THRB: variants seen among roughly 807,000 people sequenced by gnomAD.
THRB encodes nuclear receptor subfamily 1 group A member 2.
In THRB, 12 loss-of-function variants were observed where a neutral mutation model predicts 47.8. The observed-to-expected ratio is 0.25, with a 90% CI of 0.16 to 0.41. The LOEUF (loss-of-function observed/expected upper bound fraction) is 0.41, where lower values mean the gene tolerates loss of function less well. Ranked by LOEUF, THRB falls within the 10% of genes least tolerant of loss-of-function variation. THRB has a pLI of 1.00. For missense variants in THRB, 348 were observed against 589.2 expected (o/e 0.59, Z 4.24); for synonymous variants, 218 against 212.2 (o/e 1.03, Z -0.24).
At chr3:24,225,800 G>A (rs73037700) in intron 4 of THRB, among the ~76,000 whole-genome samples, 2 of 152,126 alleles carry the variant, frequency 1.3e-5, no homozygotes, top group African/African-American at 4.8e-5. Context: ...ATAAAATATT[G>A]TATCAAGGTA....
intron 6 of THRB, among the ~76,000 whole-genome samples, chr3:24,151,992 A>G (rs914671970): frequency 1.3e-5 from 2 of 152,246 alleles, no homozygotes; most frequent in Non-Finnish European, 2.9e-5. Context: ...GTGGTAGAGT[A>G]AACTCTGTCT....
At chr3:24,177,801 A>AAGTT (rs2041360157) in intron 5 of THRB, among the ~76,000 whole-genome samples, 1 of 152,236 alleles carries the variant, frequency 6.6e-6, no homozygotes, top group South Asian at 2.1e-4. Flanking sequence ...ATGTTCTAGA[A>AAGTT]AGTTACACAA....
intron 4 of THRB, among the ~76,000 whole-genome samples, chr3:24,210,410 GT>G (rs1018857127): frequency 4.6e-4 from 65 of 141,446 alleles, no homozygotes; most frequent in Admixed American, 3.6e-4. Flanking sequence ...TTATTTGTTT[GT>G]TTTTTTTTTT....
intron 2 of THRB, among the ~76,000 whole-genome samples, chr3:24,305,475 A>C (rs1414414347): frequency 6.6e-6 from 1 of 152,226 alleles, no homozygotes; most frequent in Non-Finnish European, 1.5e-5. Context: ...GGGGGATTAC[A>C]ATTACAGTAT....
intron 1 of THRB, among the ~76,000 whole-genome samples, chr3:24,351,527 G>A (rs1485415940): frequency 6.6e-6 from 1 of 151,996 alleles, no homozygotes; most frequent in Non-Finnish European, 1.5e-5. Flanking sequence ...TGTTAATTTG[G>A]CCTAAACTCC....
intron 3 of THRB, among the ~76,000 whole-genome samples, chr3:24,296,013 T>C (rs1013142035): frequency 2.0e-5 from 3 of 152,236 alleles, no homozygotes; most frequent in Non-Finnish European, 2.9e-5. Context: ...ATAGGTGATC[T>C]AGGTCCTTCT....
At chr3:24,164,903 T>C in intron 5 of THRB, 1 of 598,572 alleles carries the variant, frequency 1.7e-6, no homozygotes, top group East Asian at 2.7e-5. Flanking sequence ...TACTGCCGTT[T>C]TTAATTTCAA....
chr3:24,262,418 C>A (rs73148323), intron 3 of THRB, among the ~76,000 whole-genome samples: 98 of 152,326 alleles, frequency 6.4e-4, no homozygotes, highest in African/African-American at 2.3e-3. Context: ...TTCATTTGAT[C>A]CCTGGGTGCC....
intron 5 of THRB, among the ~76,000 whole-genome samples, chr3:24,169,805 G>A (rs1364959876): frequency 1.3e-5 from 2 of 149,730 alleles, no homozygotes; most frequent in Non-Finnish European, 3.0e-5. Context: ...CCCACCACCT[G>A]TTTCGTAAAT....
chr3:24,151,867 A>C (rs62255836), intron 6 of THRB, among the ~76,000 whole-genome samples: 6,843 of 152,290 alleles, frequency 0.045, 384 homozygotes, highest in African/African-American at 0.13. Context: ...GCTGTGCGAA[A>C]AGCCAACTTG....
intron 1 of THRB, chr3:24,493,966 A>G (rs1240743261): frequency 6.6e-6 from 1 of 152,240 alleles, no homozygotes; most frequent in Non-Finnish European, 1.5e-5. Context: ...CACAATTGGT[A>G]TCACAACCAA....
At chr3:24,354,283 T>C (rs192979914) in intron 1 of THRB, among the ~76,000 whole-genome samples, 10 of 152,230 alleles carry the variant, frequency 6.6e-5, no homozygotes, top group Middle Eastern at 6.8e-3. Context: ...GTAGGCTTAA[T>C]ACCTGGGTGA....
rs2031038106 is a variant in THRB, at chr3:24,118,437, G to A, written c.*4447C>T. On this transcript the variant is annotated 3_prime_UTR_variant, in exon 11 of 11. Transcript: ENST00000646209. Reference sequence around the variant, plus strand: ...CCATCTAGCAATATCACTTAACACTGTTTGCAAAACACAAATCTTCCAATG... The same window carrying A: ...CCATCTAGCAATATCACTTAACACTATTTGCAAAACACAAATCTTCCAATG... 1 of 152,466 alleles carries A rather than the reference G, an allele frequency of 6.6e-6. No individual in the cohort carries two copies. Among genetic ancestry groups the A allele is most frequent in the African/African-American group, 2.4e-5 (1 of 41,384 alleles). 9.4% of individuals were successfully genotyped at this position (152,466 alleles called of 1,614,324 possible).
intron 1 of THRB, among the ~76,000 whole-genome samples, chr3:24,482,483 GATTCATTC>G (rs113661840): frequency 1.9e-4 from 29 of 150,564 alleles, no homozygotes; most frequent in African/African-American, 5.4e-4. Context: ...ACCACTTCCT[GATTCATTC>G]ATTCATTCAT....
intron 2 of THRB, among the ~76,000 whole-genome samples, chr3:24,313,643 TTAAG>T (rs2057911135): frequency 6.6e-6 from 1 of 152,214 alleles, no homozygotes; most frequent in Non-Finnish European, 1.5e-5. Context: ...TTCCCCATTA[TTAAG>T]TATTACCTTA....
rs1559862349 is a variant in THRB at position 24,297,216 on chromosome 3, G to C, written c.-43+10C>G. ...TTATCACCACACAGACTGAATCTTGGAATACATACCTTACTTCCAACAGTC... is the reference window on the plus strand; with the variant it reads ...TTATCACCACACAGACTGAATCTTGCAATACATACCTTACTTCCAACAGTC... On this transcript the variant is annotated intron_variant, in intron 3 of 10. Transcript: ENST00000646209. 1 of 152,170 alleles carries C rather than the reference G, an allele frequency of 6.6e-6. No homozygotes were observed. The highest frequency in any genetic ancestry group is 6.5e-5 in the Admixed American group (1 of 15,280). The allele number at this position is 152,170 out of a possible 1,614,324, so 9.4% of individuals were successfully genotyped here.
At chr3:24,336,879 G>A (rs897627615) in intron 2 of THRB, among the ~76,000 whole-genome samples, 5 of 151,988 alleles carry the variant, frequency 3.3e-5, no homozygotes, top group East Asian at 1.9e-4. Flanking sequence ...CCACCACCAC[G>A]CCTGGCTAAT....
upstream of THRB, chr3:24,495,684 C>G (rs1698908108): frequency 6.6e-6 from 1 of 152,218 alleles, no homozygotes; most frequent in African/African-American, 2.4e-5. Context: ...CTTCCAGGAG[C>G]ACGTCTCGGC....
At chr3:24,210,002 GGA>G (rs2045853758) in intron 4 of THRB, among the ~76,000 whole-genome samples, 1 of 152,096 alleles carries the variant, frequency 6.6e-6, no homozygotes, top group Non-Finnish European at 1.5e-5. Context: ...CAGCTTCTGT[GGA>G]GAGAACAGAA....
Sources: gnomAD v4.1 joint callset for allele counts (sites outside exome capture counted in the v4.1 genomes callset) on GRCh38, gnomAD v4.1.1 for gene constraint, MANE v1.5 for transcripts, NCBI Gene and HGNC (gene_info 2026-07-23, HGNC 2026-07-21) for gene names.